Variants in STK32A observed in about 807,000 individuals in gnomAD.
The protein encoded by STK32A is serine/threonine-protein kinase 32A.
In STK32A, 41 loss-of-function variants were observed where a neutral mutation model predicts 53.2. The observed-to-expected ratio is 0.77, with a 90% CI of 0.60 to 1.00. The LOEUF is 1.00. Among genes scored for constraint, STK32A ranks in the 50% least tolerant of loss-of-function variants. The probability of loss-of-function intolerance (pLI) is 0.00; values close to 1 mark genes in which losing one functional copy is unlikely to be tolerated. For synonymous variants in STK32A, 166 were observed against 162.8 expected (o/e 1.02, Z -0.15); for missense variants, 458 against 485.8 (o/e 0.94, Z 0.54).
rs1466402783 is a variant in STK32A at position 147,367,238 on chromosome 5, G to C, written c.661-3416G>C. On this transcript the variant is annotated intron_variant, in intron 8 of 12. Transcript: ENST00000397936. Reference sequence around the variant, plus strand: ...ATGCCACCATGCCTGGAAATTTTTTGTATTTTTTGTAGAGTTGGGGTCTTA... The same window carrying C: ...ATGCCACCATGCCTGGAAATTTTTTCTATTTTTTGTAGAGTTGGGGTCTTA... Among the ~76,000 whole-genome samples, 4 of 151,942 alleles carry C rather than the reference G, an allele frequency of 2.6e-5. No individual in the cohort carries two copies. The South Asian group carries it at 6.2e-4, about 24-fold the overall frequency.
At chr5:147,263,020 A>G (rs1009467017) in intron 2 of STK32A, among the ~76,000 whole-genome samples, 4 of 152,262 alleles carry the variant, frequency 2.6e-5, no homozygotes, top group Middle Eastern at 6.8e-3. Context: ...TCTCCACTCC[A>G]TACTATGGTT....
intron 4 of STK32A, among the ~76,000 whole-genome samples, chr5:147,317,953 A>G (rs2151975331): frequency 6.6e-6 from 1 of 152,288 alleles, no homozygotes; most frequent in East Asian, 1.9e-4. Context: ...AGAAGGAAAT[A>G]TTTTTCTTAC....
intron 4 of STK32A, among the ~76,000 whole-genome samples, chr5:147,296,639 C>T (rs1752881622): frequency 6.6e-6 from 1 of 152,148 alleles, no homozygotes; most frequent in Admixed American, 6.5e-5. Flanking sequence ...GAGATCTTAT[C>T]AGGAACCTAC....
intron 7 of STK32A, among the ~76,000 whole-genome samples, chr5:147,356,261 T>C (rs1285393284): frequency 1.3e-5 from 2 of 152,296 alleles, no homozygotes; most frequent in East Asian, 3.9e-4. Context: ...ATGTCTGACA[T>C]TGCTAAGCTC....
chr5:147,380,021 C>G (rs183701201), intron 11 of STK32A, among the ~76,000 whole-genome samples: 115 of 152,158 alleles, frequency 7.6e-4, no homozygotes, highest in Admixed American at 1.2e-3. Flanking sequence ...GAACATGAAC[C>G]CTTTAAGGGT....
intron 4 of STK32A, among the ~76,000 whole-genome samples, chr5:147,316,759 G>T (rs756603141): frequency 6.6e-6 from 1 of 150,934 alleles, no homozygotes; most frequent in Non-Finnish European, 1.5e-5. Flanking sequence ...GAAGGCTGAG[G>T]CTGGAGGATT....
At chr5:147,319,478 G>A (rs947991234) in intron 4 of STK32A, among the ~76,000 whole-genome samples, 6 of 152,034 alleles carry the variant, frequency 3.9e-5, no homozygotes, top group Admixed American at 2.0e-4. Context: ...TTTGAAATCT[G>A]CCTTTGGAAA....
chr5:147,309,720 A>T (rs1209392704), intron 4 of STK32A, among the ~76,000 whole-genome samples: 1 of 152,156 alleles, frequency 6.6e-6, no homozygotes, highest in Non-Finnish European at 1.5e-5. Flanking sequence ...ACTACTTTTG[A>T]GGTGCTGTAC....
chr5:147,361,482 G>A (rs1561747198), intron 7 of STK32A, 35 bp from the exon 8 acceptor site: 2 of 1,366,812 alleles, frequency 1.5e-6, no homozygotes, highest in Admixed American at 1.8e-5. Flanking sequence ...AATGTCTCAG[G>A]GAATCAAACT....
downstream of STK32A, among the ~76,000 whole-genome samples, chr5:147,389,260 AGCTT>A (rs1419290537): frequency 2.6e-5 from 4 of 152,284 alleles, no homozygotes; most frequent in East Asian, 7.8e-4. Flanking sequence ...ATGCCCTGCA[AGCTT>A]GCGAATGGTG....
At chr5:147,240,406 T>C (rs776276777) in intron 2 of STK32A, among the ~76,000 whole-genome samples, 2 of 152,176 alleles carry the variant, frequency 1.3e-5, no homozygotes, top group African/African-American at 2.4e-5. Flanking sequence ...TCCAGACCTC[T>C]GAGAGGGAGC....
chr5:147,334,011 A>C (rs1034206035), intron 5 of STK32A, among the ~76,000 whole-genome samples: 6 of 152,190 alleles, frequency 3.9e-5, no homozygotes, highest in Non-Finnish European at 8.8e-5. Context: ...AACAGCTCCT[A>C]TTATAATGCT....
chr5:147,363,061 G>GA (rs1451984107), intron 8 of STK32A, among the ~76,000 whole-genome samples: 1 of 151,834 alleles, frequency 6.6e-6, no homozygotes, highest in African/African-American at 2.4e-5. Context: ...ACTCCAGCCT[G>GA]AGCTACAGAG....
At chr5:147,268,413 A>G (rs1380930700) in intron 2 of STK32A, among the ~76,000 whole-genome samples, 1 of 152,158 alleles carries the variant, frequency 6.6e-6, no homozygotes, top group African/African-American at 2.4e-5. Context: ...TCCCTATGGC[A>G]GCACTGCTTA....
the STK32A span, chr5:147,399,094 C>T: frequency 1.9e-6 from 3 of 1,614,096 alleles, no homozygotes; most frequent in South Asian, 3.3e-5. Flanking sequence ...ACTGGTGGTT[C>T]TTGGCAGAGA....
At chr5:147,373,518 C>A (rs1757097367) in intron 10 of STK32A, among the ~76,000 whole-genome samples, 1 of 152,096 alleles carries the variant, frequency 6.6e-6, no homozygotes, top group Non-Finnish European at 1.5e-5. Flanking sequence ...GGTGTATTTG[C>A]GACTGAAGTT....
At chr5:147,323,072 A>T (rs1428015378) in intron 4 of STK32A, among the ~76,000 whole-genome samples, 1 of 152,086 alleles carries the variant, frequency 6.6e-6, no homozygotes, top group Non-Finnish European at 1.5e-5. Context: ...GTATTTTTCA[A>T]ATTTTACTTT....
At chr5:147,366,811 A>T (rs1448293359) in intron 8 of STK32A, among the ~76,000 whole-genome samples, 1 of 151,928 alleles carries the variant, frequency 6.6e-6, no homozygotes. Context: ...CTATCTTCAG[A>T]TAGATAGATA....
chr5:147,282,862 C>T (rs1284239747), intron 4 of STK32A, among the ~76,000 whole-genome samples: 2 of 152,124 alleles, frequency 1.3e-5, no homozygotes, highest in East Asian at 3.9e-4. Context: ...TTTTAATACT[C>T]CACTGACAGC....
Sources: gnomAD v4.1 joint callset for allele counts (sites outside exome capture counted in the v4.1 genomes callset) on GRCh38, gnomAD v4.1.1 for gene constraint, MANE v1.5 for transcripts, NCBI Gene and HGNC (gene_info 2026-07-23, HGNC 2026-07-21) for gene names.